Variants in DLGAP2 observed in about 807,000 individuals in gnomAD.
DLGAP2 encodes DLG associated protein 2.
In DLGAP2, 26 loss-of-function variants were observed where a neutral mutation model predicts 100.3. The observed-to-expected ratio is 0.26, with a 90% CI of 0.19 to 0.36. The LOEUF is 0.36. Among genes scored for constraint, DLGAP2 ranks in the 10% least tolerant of loss-of-function variants. The probability of loss-of-function intolerance (pLI) is 1.00; values close to 1 mark genes in which losing one functional copy is unlikely to be tolerated. For missense variants in DLGAP2, 1,858 were observed against 1,453.2 expected (o/e 1.28, Z -4.53); for synonymous variants, 886 against 630.1 (o/e 1.41, Z -6.08).
intron 1 of DLGAP2, among the ~76,000 whole-genome samples, chr8:792,120 T>G (rs1822046352): frequency 6.6e-6 from 1 of 152,258 alleles, no homozygotes; most frequent in Non-Finnish European, 1.5e-5. Context: ...TAATATGGTT[T>G]TAATTAAATT....
intron 1 of DLGAP2, among the ~76,000 whole-genome samples, chr8:773,270 C>A (rs990593058): frequency 6.6e-6 from 1 of 151,618 alleles, no homozygotes; most frequent in Admixed American, 6.6e-5. Context: ...TACAAGGGCA[C>A]TAATCCTATT....
intron 2 of DLGAP2, among the ~76,000 whole-genome samples, chr8:1,246,573 A>G (rs967518794): frequency 7.9e-5 from 12 of 152,222 alleles, no homozygotes; most frequent in African/African-American, 2.7e-4. Context: ...ACTGAGATGC[A>G]CAATGCTTAA....
intron 2 of DLGAP2, among the ~76,000 whole-genome samples, chr8:974,302 G>T (rs1177175399): frequency 1.3e-5 from 2 of 152,172 alleles, no homozygotes; most frequent in Non-Finnish European, 2.9e-5. Context: ...GAGGGGTAAG[G>T]ATAAGAATTA....
chr8:1,565,510 T>G, intron 5 of DLGAP2, 173 bp from the exon 6 acceptor site: 1 of 576,994 alleles, frequency 1.7e-6, no homozygotes, highest in Non-Finnish European at 3.0e-6. Flanking sequence ...ACCAACATTT[T>G]TATATTCATT....
At chr8:1,226,460 C>T (rs1039051010) in intron 2 of DLGAP2, among the ~76,000 whole-genome samples, 1 of 152,066 alleles carries the variant, frequency 6.6e-6, no homozygotes, top group Non-Finnish European at 1.5e-5. Context: ...ACAACACACA[C>T]AGGGGCCTGT....
intron 2 of DLGAP2, among the ~76,000 whole-genome samples, chr8:1,092,751 A>G (rs1473023422): frequency 2.0e-5 from 3 of 152,130 alleles, no homozygotes; most frequent in Non-Finnish European, 4.4e-5. Flanking sequence ...GGGAGCCCAG[A>G]TGTGGCTCTC....
chr8:1,580,267 T>C (rs1198095939), intron 6 of DLGAP2, among the ~76,000 whole-genome samples: 1 of 151,982 alleles, frequency 6.6e-6, no homozygotes, highest in Non-Finnish European at 1.5e-5. Context: ...TGGGAAGCAG[T>C]GGAGAGAGGA....
At chr8:1,488,471 G>C (rs2130272877) in intron 3 of DLGAP2, among the ~76,000 whole-genome samples, 1 of 152,280 alleles carries the variant, frequency 6.6e-6, no homozygotes, top group South Asian at 2.1e-4. Context: ...GCATTGAGAG[G>C]CCAGTCGGAA....
At chr8:1,248,583 C>T (rs73670693) in intron 2 of DLGAP2, 1 of 144,424 alleles carries the variant, frequency 6.9e-6, no homozygotes, top group Admixed American at 6.9e-5. Context: ...CTCGGAAGAC[C>T]TTTGAGATCA....
chr8:1,328,052 T>C (rs921726255), intron 3 of DLGAP2, among the ~76,000 whole-genome samples: 5 of 151,900 alleles, frequency 3.3e-5, no homozygotes, highest in African/African-American at 1.2e-4. Flanking sequence ...ATAGTTGTTT[T>C]TTTTGGAGAC....
intron 1 of DLGAP2, among the ~76,000 whole-genome samples, chr8:855,087 A>G (rs1339118915): frequency 6.6e-6 from 1 of 152,188 alleles, no homozygotes; most frequent in Non-Finnish European, 1.5e-5. Flanking sequence ...AGGCGGGAGC[A>G]GGTCCTTGAG....
chr8:1,352,655 C>G (rs1414707326), intron 3 of DLGAP2, among the ~76,000 whole-genome samples: 1 of 152,230 alleles, frequency 6.6e-6, no homozygotes, highest in Non-Finnish European at 1.5e-5. Context: ...GACTCGAACC[C>G]TGACTGGGGC....
chr8:1,307,817 A>C (rs905072388), intron 3 of DLGAP2, among the ~76,000 whole-genome samples: 23 of 152,302 alleles, frequency 1.5e-4, no homozygotes, highest in African/African-American at 5.3e-4. Flanking sequence ...AAAGCAGTCG[A>C]ATTCATAAAG....
chr8:1,621,068 A>T (rs1269293989), intron 6 of DLGAP2: 1 of 152,194 alleles, frequency 6.6e-6, no homozygotes, highest in Non-Finnish European at 1.5e-5. Flanking sequence ...CACACTGTCA[A>T]CTACACGAGT....
intron 3 of DLGAP2, among the ~76,000 whole-genome samples, chr8:1,416,499 A>C (rs1481416984): frequency 6.6e-6 from 1 of 152,212 alleles, no homozygotes; most frequent in Admixed American, 6.5e-5. Context: ...CTGTTTCCTA[A>C]GTGAGGACAT....
At chr8:1,360,200 G>A (rs1033393985) in intron 3 of DLGAP2, among the ~76,000 whole-genome samples, 1 of 126,204 alleles carries the variant, frequency 7.9e-6, no homozygotes, top group Non-Finnish European at 1.7e-5. Flanking sequence ...GGTGTGCTCA[G>A]GGGCGGGGCT....
intron 4 of DLGAP2, among the ~76,000 whole-genome samples, chr8:1,506,495 G>C (rs115989186): frequency 6.6e-6 from 1 of 152,112 alleles, no homozygotes; most frequent in East Asian, 1.9e-4. Context: ...AGATCTTCGC[G>C]GTGAGTGTTG....
At chr8:942,491 G>C (rs1392667793) in intron 2 of DLGAP2, among the ~76,000 whole-genome samples, 1 of 152,184 alleles carries the variant, frequency 6.6e-6, no homozygotes, top group African/African-American at 2.4e-5. Context: ...TCCATCTCCA[G>C]GTCCAGCATC....
intron 1 of DLGAP2, among the ~76,000 whole-genome samples, chr8:745,106 G>A (rs536080641): frequency 2.0e-5 from 3 of 152,320 alleles, no homozygotes; most frequent in Admixed American, 1.3e-4. Flanking sequence ...CGCTGCTTCC[G>A]AGTTGTGGGT....
Sources: allele counts gnomAD v4.1 joint callset (sites outside exome capture counted in the v4.1 genomes callset), GRCh38; gene constraint gnomAD v4.1.1; transcripts MANE v1.5; gene names NCBI Gene and HGNC (gene_info 2026-07-23, HGNC 2026-07-21).